ITGAM: variants seen among roughly 807,000 people sequenced by gnomAD.
The protein encoded by ITGAM is integrin subunit alpha M.
A neutral mutation model predicts 137.5 loss-of-function variants in ITGAM; 79 were observed. The ratio of observed to expected loss-of-function variants is 0.57; its 90% confidence interval spans 0.48 to 0.69. The LOEUF (loss-of-function observed/expected upper bound fraction) is 0.69. ITGAM is among the 30% of genes least tolerant of loss of function. The pLI is 0.00. For synonymous variants in ITGAM, 583 were observed against 592.3 expected (o/e 0.98, Z 0.23); for missense variants, 1,343 against 1,483.5 (o/e 0.91, Z 1.56).
intron 14 of ITGAM, among the ~76,000 whole-genome samples, chr16:31,318,284 T>C (rs2080412642): frequency 6.6e-6 from 1 of 152,080 alleles, no homozygotes; most frequent in Admixed American, 6.6e-5. Flanking sequence ...ATAATTTTAC[T>C]TATCTGTTGT....
At chr16:31,260,598 T>G (rs2079687901) in intron 1 of ITGAM, among the ~76,000 whole-genome samples, 1 of 152,218 alleles carries the variant, frequency 6.6e-6, no homozygotes, top group Non-Finnish European at 1.5e-5. Flanking sequence ...ACTTGAGAGC[T>G]GCATAGGAAG....
intron 19 of ITGAM, 34 bp from the exon 20 acceptor site, chr16:31,325,229 C>A (rs779515128): frequency 6.3e-7 from 1 of 1,589,230 alleles, no homozygotes; most frequent in Non-Finnish European, 8.6e-7. Flanking sequence ...AAGCCCAGCG[C>A]CCCATCCCCC....
chr16:31,290,557 A>G (rs2080077150), intron 12 of ITGAM, among the ~76,000 whole-genome samples: 1 of 152,182 alleles, frequency 6.6e-6, no homozygotes, highest in African/African-American at 2.4e-5. Flanking sequence ...AAATACTCTC[A>G]GCCGACTAGG....
At chr16:31,260,202 G>A in intron 1 of ITGAM, 110 bp downstream of exon 1, 1 of 760,424 alleles carries the variant, frequency 1.3e-6, no homozygotes, top group Non-Finnish European at 2.1e-6. Flanking sequence ...AGAGGCAAAG[G>A]GGATTTGGGG....
Position 31,330,594 on chromosome 16 carries a change from G to C in ITGAM, c.3265G>C (p.Val1089Leu), listed in dbSNP as rs1218890713. Residue 1089 changes from valine (V) to leucine (L), a missense_variant, in exon 28 of 30, where the codon GTG (valine) becomes CTG (leucine). Transcript: ENST00000544665. ...FTLLPGQGAF[V>L]RSQTETKVEP... ...CCTGCTGCCGGGACAGGGGGCGTTTGTGAGGTCCCAGGTACCTGTCTTGGG... is the reference window on the plus strand; with the variant it reads ...CCTGCTGCCGGGACAGGGGGCGTTTCTGAGGTCCCAGGTACCTGTCTTGGG... The C allele has an allele frequency of 6.2e-7, 1 of 1,608,830 alleles. No individual in the cohort carries two copies. Among genetic ancestry groups the C allele is most frequent in the Admixed American group, 1.7e-5 (1 of 59,518 alleles).
In ITGAM at chr16:31,319,584, A is replaced by T. The variant is rs2080426805; in HGVS notation, c.1708-1657A>T. ...ACAAAGTGGGTATCTTGTAGATAGC[A>T]TATAATTGGATTTTGTATTTTTATT... On this transcript the variant is annotated intron_variant, in intron 14 of 29. Transcript: ENST00000544665. 2.0e-5 allele frequency among the ~76,000 whole-genome samples: 3 copies of T among 152,140 alleles called. No homozygotes were observed. The East Asian group carries it at 5.8e-4, about 29-fold the overall frequency.
chr16:31,280,693 T>C (rs968934616), intron 12 of ITGAM, among the ~76,000 whole-genome samples: 3 of 151,638 alleles, frequency 2.0e-5, no homozygotes, highest in Non-Finnish European at 4.4e-5. Context: ...ACAGGGACAA[T>C]ATGAATACCC....
intron 12 of ITGAM, among the ~76,000 whole-genome samples, chr16:31,292,127 T>C (rs542963807): frequency 6.1e-4 from 93 of 152,160 alleles, no homozygotes; most frequent in African/African-American, 2.2e-3. Flanking sequence ...ATTTAGCCAA[T>C]TCTAAAATTT....
At chr16:31,296,083 G>GA (rs1409172304) in intron 12 of ITGAM, among the ~76,000 whole-genome samples, 4 of 149,882 alleles carry the variant, frequency 2.7e-5, no homozygotes, top group African/African-American at 9.9e-5. Flanking sequence ...AATCACACTT[G>GA]ATCATGGTTA....
chr16:31,324,217 G>T lies in ITGAM; in HGVS notation c.2003-182G>T, dbSNP rs1389414388. Among the ~76,000 whole-genome samples the T allele has an allele frequency of 6.6e-6, 1 of 150,754 alleles. No individual in the cohort carries two copies. The highest frequency in any genetic ancestry group is 1.5e-5 in the Non-Finnish European group (1 of 67,674). ...AAAGGAAGGAAGGAAGGAAAGGGAG[G>T]AAGAGAGCGAGGAAAGAAAGAAAGA... On this transcript the variant is annotated intron_variant, in intron 16 of 29. Coordinates refer to ENST00000544665, the MANE Select transcript of ITGAM (RefSeq NM_000632.4). The surrounding 1 kb of genome is among the most constrained non-coding windows in gnomAD (Gnocchi z 4.5).
At chr16:31,331,120 G>T (rs1228816697) in intron 28 of ITGAM, 45 bp from the exon 29 acceptor site, 1 of 1,023,698 alleles carries the variant, frequency 9.8e-7, no homozygotes, top group Non-Finnish European at 1.5e-6. Flanking sequence ...GGAACCCCCA[G>T]AAATCCAGAG....
intron 5 of ITGAM, among the ~76,000 whole-genome samples, chr16:31,270,300 C>A (rs2079818610): frequency 6.6e-6 from 1 of 151,208 alleles, no homozygotes; most frequent in Admixed American, 6.6e-5. Flanking sequence ...TAGGGTTTCA[C>A]CATGTCAGCC....
rs2080554230 is a variant in ITGAM, at chr16:31,329,654, C to T, written c.2869-144C>T. On this transcript the variant is annotated intron_variant, in intron 24 of 29. Transcript: ENST00000544665. ...GACCAGGCCGTGTGGCACTGGAATG[C>T]GTATTACATGTACACTCTACTCTCT... 4.5e-6 allele frequency: 3 copies of T among 659,726 alleles called. No individual in the cohort carries two copies. In the South Asian group the frequency reaches 5.6e-5, roughly 12 times the overall value. The allele number at this position is 659,726 out of a possible 1,614,324, so 40.9% of individuals were successfully genotyped here. A position where few individuals can be genotyped will look rare whatever the true frequency, so the allele number is the denominator to read the frequency against.
At position 31,324,377 on chromosome 16, in the gene ITGAM, C is replaced by T; in HGVS notation, c.2003-22C>T. ...GTTCCGAGGCTCAGGCCCCTCACTG[C>T]TGTGCCACCCTGTCCCTTCAGGACA... On this transcript the variant is annotated intron_variant, in intron 16 of 29. Coordinates refer to ENST00000544665, the MANE Select transcript of ITGAM (RefSeq NM_000632.4). The surrounding 1 kb of genome is among the most constrained non-coding windows in gnomAD (Gnocchi z 4.5). The T allele has an allele frequency of 1.3e-6, 2 of 1,550,096 alleles. No homozygotes were observed. The highest frequency in any genetic ancestry group is 8.7e-7 in the Non-Finnish European group (1 of 1,145,760).
At chr16:31,308,623 T>A (rs1295477488) in intron 14 of ITGAM, among the ~76,000 whole-genome samples, 1 of 152,270 alleles carries the variant, frequency 6.6e-6, no homozygotes, top group African/African-American at 2.4e-5. Context: ...CACTAATTTT[T>A]TGAAGGGTTT....
chr16:31,303,160 G>A (rs118105557), intron 14 of ITGAM, among the ~76,000 whole-genome samples: 1 of 151,632 alleles, frequency 6.6e-6, no homozygotes, highest in East Asian at 2.0e-4. Context: ...AGCTGCCCAA[G>A]TAGCTGAGAC....
Position 31,330,707 on chromosome 16 carries a change from G to A in ITGAM, c.3276+102G>A, listed in dbSNP as rs572505934. ...AGACACAAAGAGAGAGGGAGAGAGAGAGACAGAGCGACAGAGAGACAGAGA... is the reference window on the plus strand; with the variant it reads ...AGACACAAAGAGAGAGGGAGAGAGAAAGACAGAGCGACAGAGAGACAGAGA... On this transcript the variant is annotated intron_variant, in intron 28 of 29. Transcript: ENST00000544665. The A allele has an allele frequency of 1.6e-5, 13 of 799,844 alleles. No individual in the cohort carries two copies. The South Asian group carries it at 2.3e-4, about 14-fold the overall frequency. The allele number at this position is 799,844 out of a possible 1,614,324, so 49.5% of individuals were successfully genotyped here.
intron 12 of ITGAM, among the ~76,000 whole-genome samples, chr16:31,278,885 C>T (rs1314130486): frequency 1.3e-5 from 2 of 152,164 alleles, no homozygotes; most frequent in Non-Finnish European, 2.9e-5. Context: ...TATCCCTTCC[C>T]TCTCCCTCCA....
chr16:31,331,209 G>T lies in ITGAM; in HGVS notation c.3321G>T (p.Pro1107=), dbSNP rs1261987121. ...VEPFEVPNPL[P]LIVGSSVGGL... is the part of the protein sequence containing the mutation. ...CGTTCGAGGTCCCCAACCCCCTGCC[G>T]CTCATCGTGGGCAGCTCTGTCGGGG... is the stretch of plus-strand genomic sequence containing the variant. Residue 1107 remains proline, a synonymous_variant, in exon 29 of 30, where the codon CCG becomes CCT. Transcript: ENST00000544665. 1 of 1,613,120 alleles carries T rather than the reference G, an allele frequency of 6.2e-7. No homozygotes were observed. Among genetic ancestry groups the T allele is most frequent in the African/African-American group, 1.3e-5 (1 of 74,968 alleles).
Sources: allele counts gnomAD v4.1 joint callset (sites outside exome capture counted in the v4.1 genomes callset), GRCh38; gene constraint gnomAD v4.1.1; non-coding constraint Gnocchi (gnomAD v3.1); transcripts MANE v1.5; gene names NCBI Gene and HGNC (gene_info 2026-07-23, HGNC 2026-07-21).